DGKB: variants seen among roughly 807,000 people sequenced by gnomAD.
DGKB encodes the protein 90 kDa diacylglycerol kinase.
In DGKB, 67 loss-of-function variants were observed where a neutral mutation model predicts 114.3. That is an observed-to-expected ratio of 0.59 (90% CI 0.48 to 0.72). The LOEUF (loss-of-function observed/expected upper bound fraction) is 0.72, where lower values mean the gene tolerates loss of function less well. Ranked by LOEUF, DGKB falls within the 30% of genes least tolerant of loss-of-function variation. DGKB has a pLI of 0.00. For synonymous variants in DGKB, 398 were observed against 323.1 expected, an observed-to-expected ratio of 1.23 and a Z score of -2.49; for missense variants, 907 against 975.2, an observed-to-expected ratio of 0.93 and a Z score of 0.93.
intron 1 of DGKB, among the ~76,000 whole-genome samples, chr7:14,880,061 G>A (rs181756168): frequency 1.2e-4 from 19 of 152,240 alleles, no homozygotes; most frequent in Non-Finnish European, 2.4e-4. Context: ...TCAGTTGAAG[G>A]ATCAAAGTGG....
chr7:14,924,101 G>A (rs1369432342), intron 1 of DGKB, among the ~76,000 whole-genome samples: 3 of 149,648 alleles, frequency 2.0e-5, no homozygotes, highest in African/African-American at 7.3e-5. Flanking sequence ...GAGCTCTAAT[G>A]ACACTCTCCT....
chr7:14,748,496 T>G (rs1639234), intron 4 of DGKB, among the ~76,000 whole-genome samples: 54,149 of 151,952 alleles, frequency 0.36, 13,368 homozygotes, highest in African/African-American at 0.69. Flanking sequence ...TGAGGTATAA[T>G]GATGCCCCTG....
chr7:14,478,048 A>ACACG, intron 21 of DGKB, 113 bp downstream of exon 21: 1 of 585,724 alleles, frequency 1.7e-6, no homozygotes. Flanking sequence ...ACACACACGC[A>ACACG]CACAAAGCCT....
chr7:14,459,708 C>A (rs1029864062), intron 21 of DGKB, among the ~76,000 whole-genome samples: 46 of 152,136 alleles, frequency 3.0e-4, no homozygotes, highest in African/African-American at 1.1e-3. Context: ...ACCAACCTAG[C>A]AAGACAGGCC....
chr7:14,956,274 C>G (rs1356192349), intron 1 of DGKB, among the ~76,000 whole-genome samples: 1 of 151,722 alleles, frequency 6.6e-6, no homozygotes, highest in Non-Finnish European at 1.5e-5. Flanking sequence ...TAGTAGAATC[C>G]TCCCCAAACC....
Position 14,446,616 on chromosome 7 carries a change from A to G in DGKB, c.1835+31545T>C, listed in dbSNP as rs575242578. 2.3e-3 allele frequency among the ~76,000 whole-genome samples: 355 copies of G among 152,184 alleles called. 2 individuals are homozygous for G. Among genetic ancestry groups the G allele is most frequent in the Non-Finnish European group, 1.8e-3 (122 of 68,030 alleles). ...AAAATACAATAAAACTCAACTTTAT[A>G]AGCCATGTTTTCTGAGCTTTCTCTA... On this transcript the variant is annotated intron_variant, in intron 21 of 25. Transcript: ENST00000402815.
chr7:14,246,117 C>G (rs1429975215), intron 23 of DGKB, among the ~76,000 whole-genome samples: 2 of 152,096 alleles, frequency 1.3e-5, no homozygotes. Flanking sequence ...ACTGGTTTGT[C>G]TGCAATGTTC....
intron 23 of DGKB, among the ~76,000 whole-genome samples, chr7:14,193,829 CACAA>C (rs1289199318): frequency 2.0e-5 from 3 of 151,688 alleles, no homozygotes; most frequent in South Asian, 2.1e-4. Context: ...TATAAAGGAA[CACAA>C]ACAACTCAAT....
intron 1 of DGKB, among the ~76,000 whole-genome samples, chr7:14,973,545 T>G (rs7805660): frequency 1.3e-5 from 2 of 149,014 alleles, no homozygotes; most frequent in Non-Finnish European, 3.0e-5. Flanking sequence ...TTTCTTTTTT[T>G]TTTCTTTTTT....
intron 9 of DGKB, among the ~76,000 whole-genome samples, chr7:14,693,260 A>G (rs771993596): frequency 2.9e-4 from 44 of 152,142 alleles, no homozygotes; most frequent in Non-Finnish European, 4.3e-4. Flanking sequence ...TATACATAGT[A>G]TATCTAATTA....
intron 19 of DGKB, among the ~76,000 whole-genome samples, chr7:14,580,281 G>A (rs549980465): frequency 6.6e-6 from 1 of 152,192 alleles, no homozygotes; most frequent in African/African-American, 2.4e-5. Context: ...CCTCAGTGAG[G>A]TCTTTCCCTA....
intron 20 of DGKB, among the ~76,000 whole-genome samples, chr7:14,519,268 C>G (rs1295248552): frequency 6.6e-6 from 1 of 151,942 alleles, no homozygotes; most frequent in Admixed American, 6.6e-5. Flanking sequence ...TGACCACCAG[C>G]CTCAGGCAAC....
At chr7:14,363,066 G>T (rs1816036005) in intron 21 of DGKB, among the ~76,000 whole-genome samples, 1 of 152,118 alleles carries the variant, frequency 6.6e-6, no homozygotes, top group African/African-American at 2.4e-5. Context: ...ATAAGCCCAG[G>T]ATGGAAAACC....
chr7:14,757,587 T>C, intron 3 of DGKB, 68 bp downstream of exon 3: 1 of 887,850 alleles, frequency 1.1e-6, no homozygotes. Context: ...TTTCCAAGAA[T>C]TGTTTATTAA....
intron 2 of DGKB, 87 bp downstream of exon 2, chr7:14,841,107 A>G: frequency 8.4e-7 from 1 of 1,187,108 alleles, no homozygotes; most frequent in Admixed American, 2.3e-5. Flanking sequence ...CATGAAGAAC[A>G]GGATCTATGA....
intron 20 of DGKB, among the ~76,000 whole-genome samples, chr7:14,507,045 C>A (rs984812429): frequency 3.3e-5 from 5 of 152,104 alleles, no homozygotes; most frequent in African/African-American, 1.2e-4. Context: ...CTGCAAGTGC[C>A]TGATGTCTGG....
intron 1 of DGKB, among the ~76,000 whole-genome samples, chr7:14,954,570 G>A (rs1167972661): frequency 1.3e-5 from 2 of 151,934 alleles, no homozygotes; most frequent in Non-Finnish European, 2.9e-5. Context: ...AAGATTAGGA[G>A]GCTATTATAG....
chr7:14,669,792 C>G (rs762023287), intron 13 of DGKB, among the ~76,000 whole-genome samples: 6 of 152,076 alleles, frequency 3.9e-5, no homozygotes, highest in Non-Finnish European at 5.9e-5. Context: ...TAAAGTGTCA[C>G]ATAATCAAGC....
chr7:14,794,523 G>A (rs763517058), intron 2 of DGKB, among the ~76,000 whole-genome samples: 5 of 152,100 alleles, frequency 3.3e-5, no homozygotes, highest in Non-Finnish European at 7.4e-5. Context: ...AAAAACATAA[G>A]CTAAGGATTT....
Sources: gnomAD v4.1 joint callset for allele counts (sites outside exome capture counted in the v4.1 genomes callset) on GRCh38, gnomAD v4.1.1 for gene constraint, MANE v1.5 for transcripts, NCBI Gene and HGNC (gene_info 2026-07-23, HGNC 2026-07-21) for gene names.